Variants in TRAF3 observed in about 807,000 individuals in gnomAD.
TRAF3 encodes the protein TNF receptor-associated factor 3.
In TRAF3, 13 loss-of-function variants were observed where a neutral mutation model predicts 62.3. The ratio of observed to expected loss-of-function variants is 0.21; its 90% confidence interval spans 0.14 to 0.33. The LOEUF is 0.33. Among genes scored for constraint, TRAF3 ranks in the 10% least tolerant of loss-of-function variants. The pLI is 1.00. For missense variants in TRAF3, 440 were observed against 741.8 expected (o/e 0.59, Z 4.73); for synonymous variants, 269 against 283.4 (o/e 0.95, Z 0.51).
At chr14:102,905,179 G>A in intron 11 of TRAF3, 34 bp from the exon 12 acceptor site, 1 of 1,599,832 alleles carries the variant, frequency 6.3e-7, no homozygotes, top group Non-Finnish European at 8.5e-7. Flanking sequence ...ACGTTCACCT[G>A]TCTCATTCAC....
chr14:102,858,870 A>C (rs991491429), intron 2 of TRAF3, among the ~76,000 whole-genome samples: 1 of 152,222 alleles, frequency 6.6e-6, no homozygotes, highest in Non-Finnish European at 1.5e-5. Context: ...TGTACTATTA[A>C]TGTTAAACCC....
chr14:102,836,667 T>A (rs1230043899), intron 2 of TRAF3, among the ~76,000 whole-genome samples: 1 of 152,240 alleles, frequency 6.6e-6, no homozygotes, highest in African/African-American at 2.4e-5. Context: ...GGTGGCCACA[T>A]TTGATTATGA....
intron 2 of TRAF3, among the ~76,000 whole-genome samples, chr14:102,860,141 T>C (rs890000339): frequency 6.6e-6 from 1 of 152,226 alleles, no homozygotes; most frequent in African/African-American, 2.4e-5. Context: ...AAGAGCATGC[T>C]CTTAATCCAG....
At chr14:102,833,130 G>T (rs1374090087) in intron 2 of TRAF3, among the ~76,000 whole-genome samples, 6 of 152,144 alleles carry the variant, frequency 3.9e-5, no homozygotes, top group Non-Finnish European at 8.8e-5. Context: ...CTTATTGCTG[G>T]TGTTCTGTCT....
At position 102,911,388 on chromosome 14, in the gene TRAF3, A is replaced by G. The variant is rs1373723674; in HGVS notation, c.*5604A>G. The G allele has an allele frequency of 6.6e-6, 1 of 152,212 alleles. No individual in the cohort carries two copies. The highest frequency in any genetic ancestry group is 1.9e-4 in the East Asian group (1 of 5,204). 9.4% of individuals were successfully genotyped at this position (152,212 alleles called of 1,614,324 possible). A position where few individuals can be genotyped will look rare whatever the true frequency, so the allele number is the denominator to read the frequency against. On this transcript the variant is annotated 3_prime_UTR_variant, in exon 12 of 12. Coordinates refer to ENST00000392745, the MANE Select transcript of TRAF3 (RefSeq NM_145725.3). ...TTTATTTGTGTTTTGAGGTCTTGCA[A>G]TGTTTTTGTGTTTCTGATGCTAATA... is the stretch of plus-strand genomic sequence containing the variant.
At chr14:102,855,028 A>AG (rs1887283459) in intron 2 of TRAF3, among the ~76,000 whole-genome samples, 1 of 152,156 alleles carries the variant, frequency 6.6e-6, no homozygotes, top group Admixed American at 6.5e-5. Context: ...GGTAACTACC[A>AG]GTCTGCTTTC....
intron 11 of TRAF3, 143 bp from the exon 12 acceptor site, chr14:102,905,070 C>G: frequency 1.2e-6 from 1 of 831,154 alleles, no homozygotes; most frequent in Non-Finnish European, 2.0e-6. Context: ...TGAGATGGTG[C>G]CACTGCACTC....
chr14:102,838,505 G>T (rs1432461700), intron 2 of TRAF3, among the ~76,000 whole-genome samples: 1 of 152,230 alleles, frequency 6.6e-6, no homozygotes, highest in Non-Finnish European at 1.5e-5. Flanking sequence ...TAGGCATTGA[G>T]ACTACAGGAT....
intron 6 of TRAF3, among the ~76,000 whole-genome samples, chr14:102,876,984 C>CG (rs1263898915): frequency 1.4e-4 from 20 of 144,256 alleles, no homozygotes; most frequent in Middle Eastern, 3.8e-3. Flanking sequence ...ACAGGCCTTC[C>CG]CTCAACTCAT....
intron 1 of TRAF3, among the ~76,000 whole-genome samples, chr14:102,808,512 CAAAA>C (rs5811081): frequency 3.0e-5 from 4 of 134,188 alleles, no homozygotes; most frequent in Non-Finnish European, 3.2e-5. Context: ...GACTCCATCT[CAAAA>C]AAAAAAAAAA....
At chr14:102,783,879 G>A (rs985121325) in intron 1 of TRAF3, among the ~76,000 whole-genome samples, 1 of 152,160 alleles carries the variant, frequency 6.6e-6, no homozygotes, top group Non-Finnish European at 1.5e-5. Context: ...ATAAAATGGG[G>A]CTACTAGCAC....
chr14:102,857,765 C>CGGAA (rs1887455380), intron 2 of TRAF3, among the ~76,000 whole-genome samples: 1 of 152,238 alleles, frequency 6.6e-6, no homozygotes, highest in Admixed American at 6.5e-5. Context: ...CACACCATTC[C>CGGAA]CATCAAAGTC....
chr14:102,878,025 T>C (rs1888816175), intron 6 of TRAF3, among the ~76,000 whole-genome samples: 1 of 152,258 alleles, frequency 6.6e-6, no homozygotes. Flanking sequence ...ATTTCAGAAT[T>C]AAGCTTTGTT....
intron 1 of TRAF3, among the ~76,000 whole-genome samples, chr14:102,809,347 C>G (rs1019696172): frequency 1.9e-4 from 29 of 151,892 alleles, no homozygotes; most frequent in African/African-American, 6.3e-4. Context: ...CCAGGCTGGT[C>G]TGAAACTCCT....
Position 102,889,360 on chromosome 14 carries a change from T to G in TRAF3, c.652-200T>G, listed in dbSNP as rs370181750. Among the ~76,000 whole-genome samples, 4 of 152,390 alleles carry G rather than the reference T, an allele frequency of 2.6e-5. No individual in the cohort carries two copies. The South Asian group carries it at 8.3e-4, about 32-fold the overall frequency. Reference sequence around the variant, plus strand: ...AAATGTTATAGTAAATGTATTCTTGTATATTGGCGTATATGTGTATACACG... The same window carrying G: ...AAATGTTATAGTAAATGTATTCTTGGATATTGGCGTATATGTGTATACACG... On this transcript the variant is annotated intron_variant, in intron 7 of 11. Coordinates refer to ENST00000392745, the MANE Select transcript of TRAF3 (RefSeq NM_145725.3).
chr14:102,787,541 G>T (rs7155085), intron 1 of TRAF3, among the ~76,000 whole-genome samples: 1 of 150,306 alleles, frequency 6.7e-6, no homozygotes, highest in African/African-American at 2.4e-5. Context: ...AAAAAAATTA[G>T]CTGGGTGTGG....
At chr14:102,819,780 T>G (rs1315320267) in intron 1 of TRAF3, among the ~76,000 whole-genome samples, 1 of 152,200 alleles carries the variant, frequency 6.6e-6, no homozygotes, top group Admixed American at 6.5e-5. Context: ...ATCAAGCACA[T>G]TAAGATTTTT....
intron 2 of TRAF3, among the ~76,000 whole-genome samples, chr14:102,834,470 G>T (rs1481283069): frequency 1.3e-5 from 2 of 151,818 alleles, no homozygotes; most frequent in African/African-American, 4.8e-5. Flanking sequence ...AGGCCGAGGT[G>T]GGTGGATCAT....
chr14:102,861,133 T>A (rs1238929554), intron 2 of TRAF3, among the ~76,000 whole-genome samples: 1 of 152,244 alleles, frequency 6.6e-6, no homozygotes, highest in Non-Finnish European at 1.5e-5. Flanking sequence ...AGGTGGCTGC[T>A]TTTTGGGAGC....
Sources: gnomAD v4.1 joint callset for allele counts (sites outside exome capture counted in the v4.1 genomes callset) on GRCh38, gnomAD v4.1.1 for gene constraint, MANE v1.5 for transcripts, NCBI Gene and HGNC (gene_info 2026-07-23, HGNC 2026-07-21) for gene names.